The following ATF6 variants were observed in gnomAD, a reference collection of about 807,000 sequenced individuals.
ATF6 encodes cyclic AMP-dependent transcription factor ATF-6 alpha.
In ATF6, 53 loss-of-function variants were observed where a neutral mutation model predicts 83.6. The ratio of observed to expected loss-of-function variants is 0.63; its 90% CI spans 0.51 to 0.80. ATF6 has a LOEUF of 0.80. Among genes scored for constraint, ATF6 ranks in the 30% least tolerant of loss-of-function variants. The probability of loss-of-function intolerance (pLI) is 0.00; values close to 1 mark genes in which losing one functional copy is unlikely to be tolerated. For missense variants in ATF6, 744 were observed against 797.9 expected (o/e 0.93, Z 0.81); for synonymous variants, 288 against 285.8 (o/e 1.01, Z -0.08).
Position 161,962,312 on chromosome 1 carries a change from A to G in ATF6, c.*3658A>G, listed in dbSNP as rs1302972272. 2.0e-5 allele frequency: 3 copies of G among 152,184 alleles called. No individual in the cohort carries two copies. Among genetic ancestry groups the G allele is most frequent in the African/African-American group, 4.8e-5 (2 of 41,440 alleles). 9.4% of individuals were successfully genotyped at this position (152,184 alleles called of 1,614,324 possible). On this transcript the variant is annotated 3_prime_UTR_variant, in exon 16 of 16. Coordinates refer to ENST00000367942, the MANE Select transcript of ATF6 (RefSeq NM_007348.4). Reference sequence around the variant, plus strand: ...AATTGATTTTTCAAATCATTTTTAAAGAGACATCATCCTGACTAAATCTTA... The same window carrying G: ...AATTGATTTTTCAAATCATTTTTAAGGAGACATCATCCTGACTAAATCTTA...
At chr1:161,865,171 T>G (rs1686966610) in intron 14 of ATF6, among the ~76,000 whole-genome samples, 1 of 152,096 alleles carries the variant, frequency 6.6e-6, no homozygotes, top group East Asian at 1.9e-4. Flanking sequence ...TTTTTTTTTT[T>G]TCTTTTGAGA....
chr1:161,794,063 T>C (rs1391045174), intron 6 of ATF6, among the ~76,000 whole-genome samples: 2 of 152,094 alleles, frequency 1.3e-5, no homozygotes, highest in African/African-American at 2.4e-5. Flanking sequence ...CGTGCCACCA[T>C]GCCCAGCTAA....
chr1:161,820,135 AAAAG>A (rs1357241929), intron 8 of ATF6, among the ~76,000 whole-genome samples: 16 of 147,550 alleles, frequency 1.1e-4, no homozygotes, highest in African/African-American at 3.8e-4. Context: ...TCCCTTTTAA[AAAAG>A]AAAACAATAT....
At chr1:161,875,911 A>G (rs1687207747) in intron 14 of ATF6, among the ~76,000 whole-genome samples, 1 of 151,944 alleles carries the variant, frequency 6.6e-6, no homozygotes. Context: ...TTATTGCTTC[A>G]TCAAAGACTT....
intron 15 of ATF6, among the ~76,000 whole-genome samples, chr1:161,951,052 A>C (rs964754028): frequency 2.0e-5 from 3 of 152,228 alleles, no homozygotes; most frequent in Non-Finnish European, 2.9e-5. Flanking sequence ...GATTTCCTGA[A>C]ATAGTCCTAG....
chr1:161,864,216 A>G (rs1686944378), intron 14 of ATF6, among the ~76,000 whole-genome samples: 1 of 152,004 alleles, frequency 6.6e-6, no homozygotes, highest in Non-Finnish European at 1.5e-5. Flanking sequence ...AAGTAAGTAC[A>G]GTTGACCCTT....
intron 14 of ATF6, among the ~76,000 whole-genome samples, chr1:161,890,393 C>G (rs1388213141): frequency 6.6e-6 from 1 of 152,144 alleles, no homozygotes; most frequent in South Asian, 2.1e-4. Context: ...TTAGGGCTCC[C>G]CAGAAGTGAA....
chr1:161,871,730 C>T (rs1477582094), intron 14 of ATF6, among the ~76,000 whole-genome samples: 1 of 151,620 alleles, frequency 6.6e-6, no homozygotes, highest in Non-Finnish European at 1.5e-5. Context: ...TGCTATGTGA[C>T]TTTAGACAAA....
chr1:161,873,217 A>C (rs1687152030), intron 14 of ATF6, among the ~76,000 whole-genome samples: 1 of 151,630 alleles, frequency 6.6e-6, no homozygotes, highest in African/African-American at 2.4e-5. Context: ...TTAAATACAG[A>C]GCTGGTTTTT....
intron 14 of ATF6, among the ~76,000 whole-genome samples, chr1:161,898,856 G>C (rs953187708): frequency 6.6e-6 from 1 of 152,084 alleles, no homozygotes; most frequent in African/African-American, 2.4e-5. Context: ...CCTGTATTCT[G>C]TATTTTTATG....
At chr1:161,954,771 T>A (rs962703033) in intron 15 of ATF6, among the ~76,000 whole-genome samples, 1 of 152,174 alleles carries the variant, frequency 6.6e-6, no homozygotes. Context: ...GCCATTTAGC[T>A]CTTTCCTTTT....
Position 161,912,365 on chromosome 1 carries a change from G to A in ATF6, c.1789G>A (p.Ala597Thr). 6.2e-7 allele frequency: 1 copy of A among 1,608,006 alleles called. No homozygotes were observed. Among genetic ancestry groups the A allele is most frequent in the Non-Finnish European group, 8.5e-7 (1 of 1,176,448 alleles). ...TRPKMSIVLPAININENVING... is the reference protein window; with the variant it reads ...TRPKMSIVLPTININENVING... ...ACCAAAAATGTCAATTGTGTTACCAGCAATAAACATAAATGGTAAGTTGAA... is the reference window on the plus strand; with the variant it reads ...ACCAAAAATGTCAATTGTGTTACCAACAATAAACATAAATGGTAAGTTGAA... The change falls in exon 15 of 16, where the codon GCA (alanine) becomes ACA (threonine). Residue 597 changes from alanine to threonine, a missense_variant. By Grantham distance (58) the Ala-to-Thr change is moderately conservative. Transcript: ENST00000367942.
At chr1:161,834,522 A>G (rs1357917989) in intron 9 of ATF6, among the ~76,000 whole-genome samples, 1 of 151,620 alleles carries the variant, frequency 6.6e-6, no homozygotes, top group Admixed American at 6.6e-5. Context: ...AACTATTGCA[A>G]GGATAAAAAA....
intron 15 of ATF6, among the ~76,000 whole-genome samples, chr1:161,955,362 C>T (rs546366952): frequency 6.6e-6 from 1 of 152,248 alleles, no homozygotes; most frequent in African/African-American, 2.4e-5. Flanking sequence ...CAGGGGTGGC[C>T]AGAACTCAAA....
chr1:161,771,072 A>G (rs6701446), intron 1 of ATF6, among the ~76,000 whole-genome samples: 4,907 of 152,246 alleles, frequency 0.032, 103 homozygotes, highest in Non-Finnish European at 0.049. Context: ...TTTCCTGATG[A>G]CATATGATGT....
chr1:161,824,713 A>C (rs1685849889), intron 9 of ATF6, among the ~76,000 whole-genome samples: 1 of 152,144 alleles, frequency 6.6e-6, no homozygotes, highest in Non-Finnish European at 1.5e-5. Context: ...TTCTCAAAAA[A>C]CTGTGTGTTC....
intron 9 of ATF6, among the ~76,000 whole-genome samples, chr1:161,826,281 C>CA (rs1685896390): frequency 1.3e-5 from 2 of 151,724 alleles, no homozygotes; most frequent in Non-Finnish European, 2.9e-5. Flanking sequence ...AAGACTGGAA[C>CA]AAAAAAAATT....
intron 13 of ATF6, 46 bp downstream of exon 13, chr1:161,860,323 G>C: frequency 7.2e-7 from 1 of 1,384,350 alleles, no homozygotes; most frequent in Non-Finnish European, 9.7e-7. Context: ...AAAATAGCTG[G>C]TATTTTAAGA....
At chr1:161,828,905 G>GAC (rs1458246995) in intron 9 of ATF6, among the ~76,000 whole-genome samples, 1 of 152,086 alleles carries the variant, frequency 6.6e-6, no homozygotes, top group Non-Finnish European at 1.5e-5. Flanking sequence ...CATATGCAGA[G>GAC]ACACACACAG....
Sources: gnomAD v4.1 joint callset for allele counts (sites outside exome capture counted in the v4.1 genomes callset) on GRCh38, gnomAD v4.1.1 for gene constraint, MANE v1.5 for transcripts, NCBI Gene and HGNC (gene_info 2026-07-23, HGNC 2026-07-21) for gene names.